ZBTB20: variants seen among roughly 807,000 people sequenced by gnomAD.
The protein encoded by ZBTB20 is zinc finger and BTB domain containing 20, also known as zinc finger and BTB domain-containing protein 20.
A neutral mutation model predicts 56.9 loss-of-function variants in ZBTB20; 9 were observed. That is an observed-to-expected ratio of 0.16 (90% confidence interval 0.10 to 0.28). The LOEUF (loss-of-function observed/expected upper bound fraction) is 0.28, where lower values mean the gene tolerates loss of function less well. Among genes scored for constraint, ZBTB20 ranks in the 10% least tolerant of loss-of-function variants. The probability of loss-of-function intolerance (pLI) is 1.00; values close to 1 mark genes in which losing one functional copy is unlikely to be tolerated. For synonymous variants in ZBTB20, 417 were observed against 420.7 expected, an observed-to-expected ratio of 0.99 and a Z score of 0.11; for missense variants, 655 against 1,003.0, an observed-to-expected ratio of 0.65 and a Z score of 4.69.
At chr3:114,366,542 A>G (rs2082420545) in intron 10 of ZBTB20, among the ~76,000 whole-genome samples, 2 of 152,240 alleles carry the variant, frequency 1.3e-5, no homozygotes, top group Admixed American at 1.3e-4. Flanking sequence ...TGAGATGCAG[A>G]AATCATGACT....
intron 5 of ZBTB20, among the ~76,000 whole-genome samples, chr3:114,789,045 T>C (rs2070757901): frequency 6.6e-6 from 1 of 152,146 alleles, no homozygotes; most frequent in African/African-American, 2.4e-5. Context: ...GGAGCTACAC[T>C]TCAAGATGAG....
intron 11 of ZBTB20, among the ~76,000 whole-genome samples, chr3:114,341,960 C>T (rs180773970): frequency 9.2e-4 from 140 of 152,266 alleles, no homozygotes; most frequent in Admixed American, 2.4e-3. Flanking sequence ...GTATCCTGTT[C>T]CCTTCCCTGC....
At chr3:114,712,562 A>G (rs2064161366) in intron 5 of ZBTB20, among the ~76,000 whole-genome samples, 1 of 151,596 alleles carries the variant, frequency 6.6e-6, no homozygotes, top group South Asian at 2.1e-4. Context: ...CTGAGGCAGG[A>G]GAATCCCTTG....
chr3:114,438,776 A>C (rs1478074532), intron 7 of ZBTB20, among the ~76,000 whole-genome samples: 2 of 152,148 alleles, frequency 1.3e-5, no homozygotes, highest in East Asian at 3.9e-4. Context: ...ATTATTAAGA[A>C]TTTCAGGACA....
intron 3 of ZBTB20, among the ~76,000 whole-genome samples, chr3:114,925,204 G>T (rs1335273728): frequency 6.6e-6 from 1 of 151,488 alleles, no homozygotes; most frequent in African/African-American, 2.4e-5. Context: ...GGATGGTCTC[G>T]ATCTCTTGAC....
intron 6 of ZBTB20, among the ~76,000 whole-genome samples, chr3:114,559,394 G>A (rs1577549883): frequency 1.3e-5 from 2 of 152,144 alleles, no homozygotes; most frequent in South Asian, 2.1e-4. Flanking sequence ...TGGTAAATAC[G>A]TATTGCACAA....
chr3:114,415,693 A>G (rs1439157265), intron 7 of ZBTB20, among the ~76,000 whole-genome samples: 3 of 152,088 alleles, frequency 2.0e-5, no homozygotes, highest in African/African-American at 4.8e-5. Flanking sequence ...AAGGATTCTA[A>G]TTTAGGGTTA....
chr3:114,473,383 A>C (rs1270392304), intron 7 of ZBTB20, among the ~76,000 whole-genome samples: 1 of 152,224 alleles, frequency 6.6e-6, no homozygotes, highest in African/African-American at 2.4e-5. Flanking sequence ...TGCATTTTTG[A>C]TATATTTCCT....
chr3:114,608,677 T>G (rs1464421890), intron 6 of ZBTB20, among the ~76,000 whole-genome samples: 1 of 152,224 alleles, frequency 6.6e-6, no homozygotes, highest in African/African-American at 2.4e-5. Flanking sequence ...CAAATAGGGC[T>G]GTTAACTAGC....
intron 6 of ZBTB20, among the ~76,000 whole-genome samples, chr3:114,642,487 A>G (rs2059612171): frequency 6.6e-6 from 1 of 152,024 alleles, no homozygotes; most frequent in Admixed American, 6.6e-5. Flanking sequence ...TGTAGGTGGT[A>G]GTGTGAGAAT....
intron 2 of ZBTB20, among the ~76,000 whole-genome samples, chr3:115,006,026 T>C (rs1294771176): frequency 6.6e-6 from 1 of 151,700 alleles, no homozygotes; most frequent in African/African-American, 2.4e-5. Flanking sequence ...TTTTCTTTTT[T>C]GTTATTGCTT....
At chr3:114,541,160 T>A (rs1328324403) in intron 6 of ZBTB20, among the ~76,000 whole-genome samples, 1 of 152,148 alleles carries the variant, frequency 6.6e-6, no homozygotes, top group Non-Finnish European at 1.5e-5. Context: ...ATACAAAAAA[T>A]TGATTACAAC....
chr3:115,059,421 G>C (rs1482236646), intron 2 of ZBTB20, among the ~76,000 whole-genome samples: 2 of 152,062 alleles, frequency 1.3e-5, no homozygotes, highest in Non-Finnish European at 2.9e-5. Context: ...TCCTTTTTGG[G>C]ATCTCATTTC....
chr3:114,436,425 A>G (rs981785506), intron 7 of ZBTB20, among the ~76,000 whole-genome samples: 2 of 152,062 alleles, frequency 1.3e-5, no homozygotes, highest in African/African-American at 4.8e-5. Context: ...GAGCCTCAAT[A>G]CTCTCATCTG....
chr3:114,620,627 G>A (rs2058259201), intron 6 of ZBTB20, among the ~76,000 whole-genome samples: 1 of 152,176 alleles, frequency 6.6e-6, no homozygotes, highest in Non-Finnish European at 1.5e-5. Context: ...TGTATTCACT[G>A]TCAATGCACT....
intron 4 of ZBTB20, among the ~76,000 whole-genome samples, chr3:114,831,114 T>C (rs1270011442): frequency 9.5e-6 from 1 of 105,362 alleles, no homozygotes; most frequent in African/African-American, 3.2e-5. Flanking sequence ...TTTTTTTTTT[T>C]AGTATCCAGT....
In ZBTB20 at chr3:114,662,669, T is replaced by G. The variant is rs562199042; in HGVS notation, c.-295+30859A>C. Reference sequence around the variant, plus strand: ...TCTGATGGCCAGTGATGATGAGCATTTTTTCATGTGTTTTTTGGCTGCATA... The same window carrying G: ...TCTGATGGCCAGTGATGATGAGCATGTTTTCATGTGTTTTTTGGCTGCATA... On this transcript the variant is annotated intron_variant, in intron 6 of 11. Transcript: ENST00000675478. 2.8e-5 allele frequency among the ~76,000 whole-genome samples: 4 copies of G among 143,958 alleles called. No individual in the cohort carries two copies. The South Asian group carries it at 7.0e-4, about 25-fold the overall frequency. 94.4% of individuals were successfully genotyped at this position (143,958 alleles called of 152,430 possible).
intron 4 of ZBTB20, among the ~76,000 whole-genome samples, chr3:114,801,484 A>G (rs1012685849): frequency 4.0e-5 from 6 of 151,770 alleles, no homozygotes; most frequent in Middle Eastern, 3.4e-3. Flanking sequence ...AATGTTTCTG[A>G]ATTTTAGCTA....
intron 2 of ZBTB20, among the ~76,000 whole-genome samples, chr3:115,018,142 C>T (rs2080051541): frequency 6.6e-6 from 1 of 151,184 alleles, no homozygotes; most frequent in Non-Finnish European, 1.5e-5. Flanking sequence ...CTAATATTTT[C>T]CATTAGTAAA....
Sources: allele counts gnomAD v4.1 joint callset (sites outside exome capture counted in the v4.1 genomes callset), GRCh38; gene constraint gnomAD v4.1.1; transcripts MANE v1.5; gene names NCBI Gene and HGNC (gene_info 2026-07-23, HGNC 2026-07-21).